RYR3: variants seen among roughly 807,000 people sequenced by gnomAD.
RYR3 encodes the protein ryanodine receptor 3.
A neutral mutation model predicts 584.3 loss-of-function variants in RYR3; 207 were observed. The observed-to-expected ratio is 0.35, with a 90% confidence interval of 0.32 to 0.40. RYR3 has a LOEUF of 0.40. Ranked by LOEUF, RYR3 falls within the 10% of genes least tolerant of loss-of-function variation. The pLI is 1.00. For synonymous variants in RYR3, 2,416 were observed against 2,248.5 expected (o/e 1.07, Z -2.11); for missense variants, 5,616 against 6,089.2 (o/e 0.92, Z 2.59).
At chr15:33,861,417 G>A (rs1285579553) in intron 102 of RYR3, among the ~76,000 whole-genome samples, 1 of 151,850 alleles carries the variant, frequency 6.6e-6, no homozygotes, top group Non-Finnish European at 1.5e-5. Flanking sequence ...ATTCCATCCG[G>A]GACACATACC....
intron 1 of RYR3, among the ~76,000 whole-genome samples, chr15:33,415,303 T>C (rs1392797859): frequency 6.6e-6 from 1 of 152,174 alleles, no homozygotes; most frequent in Non-Finnish European, 1.5e-5. Flanking sequence ...TAGCAGTGTA[T>C]TTCTATAGGA....
At chr15:33,581,030 T>C (rs982255236) in intron 13 of RYR3, among the ~76,000 whole-genome samples, 5 of 144,450 alleles carry the variant, frequency 3.5e-5, no homozygotes, top group African/African-American at 1.3e-4. Flanking sequence ...CTAAATCCCC[T>C]TTTTTTGCAG....
Position 33,550,152 on chromosome 15 carries a change from C to T in RYR3, c.816-8C>T. 2 of 1,608,496 alleles carry T rather than the reference C, an allele frequency of 1.2e-6. No individual in the cohort carries two copies. The highest frequency in any genetic ancestry group is 1.7e-6 in the Non-Finnish European group (2 of 1,178,388). ...AAATGCAATTTCTTGTCTGTTTCAT[C>T]TGCCCAGCTGGAGTGGCAGTAACAT... On this transcript the variant is annotated splice_region_variant and splice_polypyrimidine_tract_variant and intron_variant, in intron 9 of 103. Coordinates refer to ENST00000634891, the MANE Select transcript of RYR3 (RefSeq NM_001036.6).
At chr15:33,357,055 C>T (rs1974083707) in intron 1 of RYR3, among the ~76,000 whole-genome samples, 1 of 152,068 alleles carries the variant, frequency 6.6e-6, no homozygotes, top group Non-Finnish European at 1.5e-5. Flanking sequence ...GTCTATCTCA[C>T]CTGCTTTCCC....
rs148016052 is a variant in RYR3 at position 33,860,673 on chromosome 15, A to C, written c.14364+14A>C. 1.3e-6 allele frequency: 2 copies of C among 1,549,534 alleles called. No homozygotes were observed. Among genetic ancestry groups the C allele is most frequent in the South Asian group, 1.2e-5 (1 of 85,284 alleles). On this transcript the variant is annotated intron_variant, in intron 101 of 103. Coordinates refer to ENST00000634891, the MANE Select transcript of RYR3 (RefSeq NM_001036.6). ...GAAGATATGGAGGTAATGTTACTCTAACTACTAATCCCAGCTCTATTTTAA... is the reference window on the plus strand; with the variant it reads ...GAAGATATGGAGGTAATGTTACTCTCACTACTAATCCCAGCTCTATTTTAA...
intron 1 of RYR3, among the ~76,000 whole-genome samples, chr15:33,428,668 A>C (rs1231731148): frequency 6.6e-6 from 1 of 152,154 alleles, no homozygotes; most frequent in Admixed American, 6.5e-5. Context: ...TCAATCTAAG[A>C]TTACTTGATT....
rs553380268 is a variant in RYR3 at position 33,800,752 on chromosome 15, A to G, written c.9831-18A>G. 31 of 1,589,040 alleles carry G rather than the reference A, an allele frequency of 2.0e-5. No individual in the cohort carries two copies. The highest frequency in any genetic ancestry group is 2.7e-5 in the Non-Finnish European group (31 of 1,157,350). On this transcript the variant is annotated intron_variant, in intron 67 of 103. Transcript: ENST00000634891. ...TCTACTGAATTTCAAATGCCTGTTT[A>G]TTTACTTTTGGACCCAGATCTAACT...
chr15:33,512,984 T>A (rs1376471362), intron 3 of RYR3, among the ~76,000 whole-genome samples: 1 of 152,204 alleles, frequency 6.6e-6, no homozygotes, highest in Non-Finnish European at 1.5e-5. Flanking sequence ...GGAGTAGAGA[T>A]GGGTTGTAAA....
chr15:33,738,299 T>G, intron 49 of RYR3, 151 bp from the exon 50 acceptor site: 1 of 728,092 alleles, frequency 1.4e-6, no homozygotes, highest in Non-Finnish European at 2.2e-6. Flanking sequence ...CCCAGCGGTG[T>G]TTGAAGGGCC....
At chr15:33,692,094 C>T (rs1309333096) in intron 38 of RYR3, among the ~76,000 whole-genome samples, 1 of 152,178 alleles carries the variant, frequency 6.6e-6, no homozygotes, top group African/African-American at 2.4e-5. Flanking sequence ...ATGTGCCATC[C>T]ATGGTTATAT....
At position 33,837,001 on chromosome 15, in the gene RYR3, G is replaced by A. The variant is rs752946457; in HGVS notation, c.11650+14G>A. On this transcript the variant is annotated intron_variant, in intron 88 of 103. Coordinates refer to ENST00000634891, the MANE Select transcript of RYR3 (RefSeq NM_001036.6). Reference sequence around the variant, plus strand: ...CCCTCCTGGAAGGTTGGGCTGTTTGGTATAACTAGGCCTTCACACAACTGT... The same window carrying A: ...CCCTCCTGGAAGGTTGGGCTGTTTGATATAACTAGGCCTTCACACAACTGT... 4 of 1,596,804 alleles carry A rather than the reference G, an allele frequency of 2.5e-6. No individual in the cohort carries two copies. Among genetic ancestry groups the A allele is most frequent in the Non-Finnish European group, 3.4e-6 (4 of 1,165,692 alleles).
chr15:33,387,799 T>C (rs2041721092), intron 1 of RYR3, among the ~76,000 whole-genome samples: 1 of 152,162 alleles, frequency 6.6e-6, no homozygotes, highest in African/African-American at 2.4e-5. Flanking sequence ...TGTATAACTG[T>C]ATAATGTTTT....
chr15:33,824,374 G>A (rs772253799), intron 81 of RYR3, among the ~76,000 whole-genome samples: 4 of 152,184 alleles, frequency 2.6e-5, no homozygotes, highest in Admixed American at 1.3e-4. Flanking sequence ...CAGTAGGGAA[G>A]TTAAAACATT....
At chr15:33,522,541 C>T (rs117392172) in intron 3 of RYR3, among the ~76,000 whole-genome samples, 3,891 of 152,254 alleles carry the variant, frequency 0.026, 64 homozygotes, top group Non-Finnish European at 0.04. Context: ...GTCAAAAGAA[C>T]GATACCTTAT....
chr15:33,743,115 G>A (rs909300870), intron 52 of RYR3, among the ~76,000 whole-genome samples: 49 of 152,152 alleles, frequency 3.2e-4, no homozygotes, highest in African/African-American at 1.0e-3. Context: ...TGCAGCCTAC[G>A]GTGTGTAACA....
At chr15:33,600,958 G>C (rs2059629715) in intron 16 of RYR3, among the ~76,000 whole-genome samples, 2 of 152,178 alleles carry the variant, frequency 1.3e-5, no homozygotes, top group African/African-American at 4.8e-5. Context: ...TGTGCTGCTT[G>C]AGTTTGAAGT....
chr15:33,432,668 T>TTGTGTGTGTGTGTGTGTGTGTGTGTGTG (rs58292418), intron 1 of RYR3, among the ~76,000 whole-genome samples: 52 of 132,184 alleles, frequency 3.9e-4, no homozygotes, highest in African/African-American at 1.5e-3. Flanking sequence ...GCCTAGCTAA[T>TTGTGTGTGTGTGTGTGTGTGTGTGTGTG]TGTGTGTGTG....
At chr15:33,848,471 A>C (rs200652750) in intron 94 of RYR3, 50 bp downstream of exon 94, 133 of 1,555,078 alleles carry the variant, frequency 8.6e-5, no homozygotes, top group Non-Finnish European at 1.1e-4. Context: ...TCTCTACTGT[A>C]AATAGAGTAA....
intron 86 of RYR3, among the ~76,000 whole-genome samples, chr15:33,834,017 C>G (rs1316690205): frequency 6.6e-6 from 1 of 152,158 alleles, no homozygotes; most frequent in Non-Finnish European, 1.5e-5. Flanking sequence ...CACTGTGGCT[C>G]ATGCCTGTAC....
Sources: gnomAD v4.1 joint callset for allele counts (sites outside exome capture counted in the v4.1 genomes callset) on GRCh38, gnomAD v4.1.1 for gene constraint, MANE v1.5 for transcripts, NCBI Gene and HGNC (gene_info 2026-07-23, HGNC 2026-07-21) for gene names.